Variants in CORO7 observed in about 807,000 individuals in gnomAD.
The protein encoded by CORO7 is coronin 7, also known as coronin-7.
Under a neutral mutation model 126.6 loss-of-function variants are expected in CORO7, and 107 were observed. That is an observed-to-expected ratio of 0.85 (90% CI 0.72 to 0.99). CORO7 has a LOEUF of 0.99. Ranked by LOEUF, CORO7 falls within the 50% of genes least tolerant of loss-of-function variation. The pLI is 0.00. For missense variants in CORO7, 1,314 were observed against 1,255.8 expected, an observed-to-expected ratio of 1.05 and a Z score of -0.70; for synonymous variants, 603 against 536.8, an observed-to-expected ratio of 1.12 and a Z score of -1.70.
intron 9 of CORO7, chr16:4,381,570 G>A (rs1476651220): frequency 6.2e-7 from 1 of 1,605,434 alleles, no homozygotes; most frequent in South Asian, 1.1e-5. Flanking sequence ...TGGAGCGAGT[G>A]CCACCTGTGA....
At chr16:4,396,807 G>A (rs760343807) in intron 6 of CORO7, among the ~76,000 whole-genome samples, 1 of 152,136 alleles carries the variant, frequency 6.6e-6, no homozygotes, top group Middle Eastern at 3.4e-3. Context: ...CCTGAGGTCA[G>A]GAGTTTGAGA....
chr16:4,372,048 GGCTGTGCACACGC>G (rs915883075), intron 9 of CORO7: 1 of 151,892 alleles, frequency 6.6e-6, no homozygotes, highest in African/African-American at 2.4e-5. Context: ...GCCACGGCCA[GGCTGTGCACACGC>G]GCGGGGACCG....
chr16:4,416,334 C>A, intron 1 of CORO7, 125 bp downstream of exon 1: 1 of 1,304,804 alleles, frequency 7.7e-7, no homozygotes, highest in Non-Finnish European at 9.9e-7. Flanking sequence ...AAGGGGGGTT[C>A]CCCGGGGATG....
At chr16:4,374,455 C>T (rs2054647255) in intron 9 of CORO7, among the ~76,000 whole-genome samples, 1 of 152,160 alleles carries the variant, frequency 6.6e-6, no homozygotes, top group African/African-American at 2.4e-5. Flanking sequence ...CGGCCCCCAC[C>T]AGACTCTTCG....
intron 26 of CORO7, chr16:4,355,595 A>G (rs1324327771): frequency 3.7e-6 from 2 of 537,714 alleles, no homozygotes; most frequent in Non-Finnish European, 6.6e-6. Context: ...CAGCCTCCCA[A>G]GGAGCTGGGA....
At chr16:4,356,781 A>T (rs1231870567) in intron 26 of CORO7, 1 of 230,790 alleles carries the variant, frequency 4.3e-6, no homozygotes, top group Non-Finnish European at 8.7e-6. Context: ...ATGGGTTTCT[A>T]TTGAAAAAGA....
intron 9 of CORO7, chr16:4,380,877 G>T (rs978034197): frequency 3.4e-5 from 52 of 1,517,722 alleles, no homozygotes; most frequent in Non-Finnish European, 4.4e-5. Flanking sequence ...AGGGACAGAA[G>T]ATGTGCTCCA....
At chr16:4,364,948 C>A (rs2054302127) in intron 11 of CORO7, 28 bp from the exon 12 acceptor site, 1 of 1,606,638 alleles carries the variant, frequency 6.2e-7, no homozygotes, top group Non-Finnish European at 8.5e-7. Context: ...GGGGAACAGG[C>A]AGGATGGGCA....
intron 2 of CORO7, chr16:4,412,705 G>A (rs1462319953): frequency 1.5e-5 from 7 of 473,738 alleles, no homozygotes; most frequent in African/African-American, 3.9e-5. Flanking sequence ...TGGGGCTTTC[G>A]TATGGGGCTT....
chr16:4,360,759 A>G (rs1438022282), intron 19 of CORO7, among the ~76,000 whole-genome samples, 184 bp downstream of exon 19: 2 of 49,926 alleles, frequency 4.0e-5, no homozygotes, highest in Non-Finnish European at 7.5e-5. Context: ...GCCCCTCCTC[A>G]CCGCTGGCCC....
At chr16:4,413,627 T>A (rs943582332) in intron 1 of CORO7, 1 of 431,172 alleles carries the variant, frequency 2.3e-6, no homozygotes, top group Non-Finnish European at 4.1e-6. Flanking sequence ...AATCTCTGCC[T>A]CTTGGGTTCA....
rs552667247 is a variant in CORO7 at position 4,365,954 on chromosome 16, C to T, written c.786-409G>A. ...CCGGAGGCGAGGAGCCTCCCGTCCC[C>T]ACTCGGCACTGCCTGTGGACAGGCA... On this transcript the variant is annotated intron_variant, in intron 9 of 27. Coordinates refer to ENST00000251166, the MANE Select transcript of CORO7 (RefSeq NM_024535.5). 6.8e-4 allele frequency among the ~76,000 whole-genome samples: 104 copies of T among 152,336 alleles called. 1 individual carries two copies. The highest frequency in any genetic ancestry group is 4.4e-3 in the South Asian group (21 of 4,824).
chr16:4,378,542 A>T (rs1273930778), intron 9 of CORO7, among the ~76,000 whole-genome samples: 1 of 152,108 alleles, frequency 6.6e-6, no homozygotes, highest in African/African-American at 2.4e-5. Context: ...CCTCTGAGTC[A>T]GTGAGGGTGG....
In CORO7 at chr16:4,357,293, C is replaced by G. The variant is rs576868643; in HGVS notation, c.2594-34G>C. The G allele has an allele frequency of 2.0e-4, 320 of 1,578,052 alleles. 3 individuals are homozygous for G. The South Asian group carries it at 3.2e-3, about 16-fold the overall frequency. On this transcript the variant is annotated intron_variant, in intron 25 of 27. Transcript: ENST00000251166. Reference sequence around the variant, plus strand: ...GAGCAAGGACACGTGTCAGAGAGTCCCCTTCGTTAGGGCTCTTTGGTGCCA... The same window carrying G: ...GAGCAAGGACACGTGTCAGAGAGTCGCCTTCGTTAGGGCTCTTTGGTGCCA...
rs374474637 is a variant in CORO7 at position 4,381,280 on chromosome 16, C to T, written c.785+6706G>A. 3.8e-5 allele frequency: 61 copies of T among 1,611,528 alleles called. No homozygotes were observed. The highest frequency in any genetic ancestry group is 4.5e-5 in the East Asian group (2 of 44,772). On this transcript the variant is annotated intron_variant, in intron 9 of 27. Coordinates refer to ENST00000251166, the MANE Select transcript of CORO7 (RefSeq NM_024535.5). ...CGAGCGCCTCTACCTGGGCAAGAAC[C>T]GCATCCGCCACATCCAGCCTGGTGC...
At chr16:4,369,683 A>G (rs982154957) in intron 9 of CORO7, among the ~76,000 whole-genome samples, 7 of 152,140 alleles carry the variant, frequency 4.6e-5, no homozygotes, top group Non-Finnish European at 8.8e-5. Flanking sequence ...GAGCAGCTGC[A>G]AGGCTCCTCC....
intron 5 of CORO7, 65 bp downstream of exon 5, chr16:4,407,436 C>T: frequency 6.6e-7 from 1 of 1,518,998 alleles, no homozygotes; most frequent in Non-Finnish European, 8.8e-7. Flanking sequence ...AACATGCCAA[C>T]AAAGAAACGG....
chr16:4,368,840 T>C (rs1351535766), intron 9 of CORO7, among the ~76,000 whole-genome samples: 2 of 151,828 alleles, frequency 1.3e-5, no homozygotes, highest in Non-Finnish European at 2.9e-5. Flanking sequence ...AGGACCAGAC[T>C]GGCACAGAGT....
intron 9 of CORO7, chr16:4,383,612 CAGCAGCCCCTGGGCTTG>C (rs2055084890): frequency 6.0e-6 from 1 of 166,252 alleles, no homozygotes; most frequent in Non-Finnish European, 1.5e-5. Context: ...CAGGGCCCCT[CAGCAGCCCCTGGGCTTG>C]GGCAGCCCTC....
Sources: allele counts gnomAD v4.1 joint callset (sites outside exome capture counted in the v4.1 genomes callset), GRCh38; gene constraint gnomAD v4.1.1; transcripts MANE v1.5; gene names NCBI Gene and HGNC (gene_info 2026-07-23, HGNC 2026-07-21).